The following CD7 variants were observed in gnomAD, a reference collection of about 807,000 sequenced individuals.
The protein encoded by CD7 is CD7 molecule.
Under a neutral mutation model 17.6 loss-of-function variants are expected in CD7, and 19 were observed. The observed-to-expected ratio is 1.08, with a 90% CI of 0.75 to 1.58. CD7 has a LOEUF of 1.58. Ranked by LOEUF, CD7 falls within the 40% of genes most tolerant of loss-of-function variation. The pLI is 0.00. For missense variants in CD7, 291 were observed against 327.1 expected (o/e 0.89, Z 0.85); for synonymous variants, 160 against 159.8 (o/e 1.00, Z -0.01).
chr17:82,316,728 G>A lies in CD7; in HGVS notation c.336C>T (p.Tyr112=). The change falls in exon 2 of 4, where the codon TAC becomes TAT. Residue 112 remains tyrosine (Y), a synonymous_variant. Coordinates refer to ENST00000312648, the MANE Select transcript of CD7 (RefSeq NM_006137.7). ...TGACCTCCGTGATGGCCTGGCAGGT[G>A]TAGGTGCCAGTGTCCGACAGCTGCA... is the stretch of plus-strand genomic sequence containing the variant. ...HRLQLSDTGT[Y]TCQAITEVNV... 1.9e-6 allele frequency: 3 copies of A among 1,613,736 alleles called. No homozygotes were observed. The highest frequency in any genetic ancestry group is 1.1e-5 in the South Asian group (1 of 91,090).
In CD7 at chr17:82,316,815, C is replaced by G. The variant is rs752831065; in HGVS notation, c.249G>C (p.Arg83=). ...CTGAGAAGTCGATGCGGCCCCGGAACCGTCTGTCCGTAGTGGGCACCACCC... is the reference window on the plus strand; with the variant it reads ...CTGAGAAGTCGATGCGGCCCCGGAAGCGTCTGTCCGTAGTGGGCACCACCC... ...EDGVVPTTDR[R]FRGRIDFSGS... is the part of the protein sequence containing the mutation. Residue 83 remains arginine, a synonymous_variant, in exon 2 of 4, where the codon CGG becomes CGC. Coordinates refer to ENST00000312648, the MANE Select transcript of CD7 (RefSeq NM_006137.7). 1 of 1,613,970 alleles carries G rather than the reference C, an allele frequency of 6.2e-7. No individual in the cohort carries two copies. Among genetic ancestry groups the G allele is most frequent in the Non-Finnish European group, 8.5e-7 (1 of 1,179,980 alleles).
At chr17:82,316,162 G>A (rs1258107430) in intron 3 of CD7, 33 bp downstream of exon 3, 1 of 1,542,356 alleles carries the variant, frequency 6.5e-7, no homozygotes, top group Admixed American at 2.0e-5. Flanking sequence ...AACAATCTTT[G>A]GGGTGCAGGT....
intron 3 of CD7, chr17:82,315,790 C>T (rs563601922): frequency 8.6e-5 from 49 of 568,596 alleles, no homozygotes; most frequent in Non-Finnish European, 1.4e-4. Context: ...CACAGCACGC[C>T]GGCACACTCC....
intron 2 of CD7, 98 bp downstream of exon 2, chr17:82,316,569 A>G: frequency 7.2e-7 from 1 of 1,387,892 alleles, no homozygotes. Context: ...CAGTTCAGGC[A>G]CATGTAGGAG....
intron 3 of CD7, 86 bp downstream of exon 3, chr17:82,316,109 C>T: frequency 5.1e-6 from 7 of 1,377,196 alleles, no homozygotes; most frequent in Non-Finnish European, 7.1e-6. Context: ...CCAGGGTTTT[C>T]CTCTGGGGCT....
At position 82,315,153 on chromosome 17, in the gene CD7, C is replaced by T. The variant is rs2051996349; in HGVS notation, c.*168G>A. On this transcript the variant is annotated 3_prime_UTR_variant, in exon 4 of 4. Coordinates refer to ENST00000312648, the MANE Select transcript of CD7 (RefSeq NM_006137.7). ...TGTCCACTGAGAAGCACCGTGGGGCCTGGCCACTGCCTGTGTGTCTGCTTG... is the reference window on the plus strand; with the variant it reads ...TGTCCACTGAGAAGCACCGTGGGGCTTGGCCACTGCCTGTGTGTCTGCTTG... 1 of 602,300 alleles carries T rather than the reference C, an allele frequency of 1.7e-6. No individual in the cohort carries two copies. Among genetic ancestry groups the T allele is most frequent in the Non-Finnish European group, 3.0e-6 (1 of 332,026 alleles). The allele number at this position is 602,300 out of a possible 1,614,324, so 37.3% of individuals were successfully genotyped here.
chr17:82,314,904 C>T lies in CD7; in HGVS notation c.*417G>A. The T allele has an allele frequency of 5.5e-6, 1 of 183,218 alleles. No individual in the cohort carries two copies. The highest frequency in any genetic ancestry group is 1.2e-5 in the Non-Finnish European group (1 of 84,814). The allele number at this position is 183,218 out of a possible 1,614,324, so 11.3% of individuals were successfully genotyped here. A position where few individuals can be genotyped will look rare whatever the true frequency, so the allele number is the denominator to read the frequency against. On this transcript the variant is annotated 3_prime_UTR_variant, in exon 4 of 4. Coordinates refer to ENST00000312648, the MANE Select transcript of CD7 (RefSeq NM_006137.7). This position sits in a 1 kb window ranked among gnomAD's most constrained non-coding sequence, Gnocchi z 6.0. ...ACAGAAGCCTTTATTTCTGGTACGG[C>T]TGGGTGGGGGACTGGTCTCCTCCCG...
Position 82,315,310 on chromosome 17 carries a change from G to T in CD7, c.*11C>A. 1 of 1,589,868 alleles carries T rather than the reference G, an allele frequency of 6.3e-7. No individual in the cohort carries two copies. On this transcript the variant is annotated 3_prime_UTR_variant, in exon 4 of 4. Transcript: ENST00000312648. ...GGGGACCACAGGCGGGACGTGCAGG[G>T]GCCCACTGGGTCACTGGTACTGGTT...
In CD7 at chr17:82,315,436, A is replaced by G; in HGVS notation, c.613-5T>C. The G allele has an allele frequency of 6.2e-7, 1 of 1,611,462 alleles. No homozygotes were observed. Among genetic ancestry groups the G allele is most frequent in the Non-Finnish European group, 8.5e-7 (1 of 1,177,750 alleles). ...CCACGAGCACAGTTTCTTTATCTGAAAGACAGAACCGCCGTCTCCAACCAG... is the reference window on the plus strand; with the variant it reads ...CCACGAGCACAGTTTCTTTATCTGAGAGACAGAACCGCCGTCTCCAACCAG... On this transcript the variant is annotated splice_region_variant and splice_polypyrimidine_tract_variant and intron_variant, in intron 3 of 3. Transcript: ENST00000312648.
At position 82,316,186 on chromosome 17, in the gene CD7, C is replaced by T. The variant is rs759998274; in HGVS notation, c.612+9G>A. 5.1e-6 allele frequency: 8 copies of T among 1,553,462 alleles called. No individual in the cohort carries two copies. Among genetic ancestry groups the T allele is most frequent in the Non-Finnish European group, 7.0e-6 (8 of 1,148,302 alleles). ...TGGGGTGCAGGTGGCAGCTGGGGCT[C>T]ACACTGACCTGTGTCCTCGCCAGCA... On this transcript the variant is annotated intron_variant, in intron 3 of 3. Coordinates refer to ENST00000312648, the MANE Select transcript of CD7 (RefSeq NM_006137.7).
chr17:82,316,481 G>A (rs2052017137), intron 2 of CD7, 72 bp from the exon 3 acceptor site: 22 of 1,409,834 alleles, frequency 1.6e-5, no homozygotes, highest in Non-Finnish European at 1.8e-5. Flanking sequence ...TTTGGGATTC[G>A]GGGCAGGGAA....
chr17:82,316,911 G>A lies in CD7; in HGVS notation c.153C>T (p.Ser51=), dbSNP rs745737735. ...GASVNITCST[S]GGLRGIYLRQ... ...TCAGGTAGATCCCACGCAGGCCCCC[G>A]CTGGTGGAGCAGGTGATGTTGACGG... is the stretch of plus-strand genomic sequence containing the variant. The change falls in exon 2 of 4, where the codon AGC becomes AGT. Residue 51 remains serine, a synonymous_variant. Transcript: ENST00000312648. The A allele has an allele frequency of 1.5e-5, 24 of 1,611,756 alleles. No individual in the cohort carries two copies. In the East Asian group the frequency reaches 3.3e-4, roughly 22 times the overall value.
intron 1 of CD7, chr17:82,317,210 G>A: frequency 1.5e-6 from 1 of 664,148 alleles, no homozygotes; most frequent in Non-Finnish European, 2.5e-6. Flanking sequence ...TCCCAAAGCA[G>A]CGGCCCTGCC....
At position 82,316,599 on chromosome 17, in the gene CD7, G is replaced by T; in HGVS notation, c.397+68C>A. 3 of 1,518,476 alleles carry T rather than the reference G, an allele frequency of 2.0e-6. No homozygotes were observed. The South Asian group carries it at 3.4e-5, about 17-fold the overall frequency. 94.1% of individuals were successfully genotyped at this position (1,518,476 alleles called of 1,614,324 possible). On this transcript the variant is annotated intron_variant, in intron 2 of 3. Transcript: ENST00000312648. Reference sequence around the variant, plus strand: ...TAGGAGGGAGGGTCCCACGACAAGGGCTGGGGGAGCAGAGCCTGGCCAGCA... The same window carrying T: ...TAGGAGGGAGGGTCCCACGACAAGGTCTGGGGGAGCAGAGCCTGGCCAGCA...
At chr17:82,315,908 A>G in intron 3 of CD7, 2 of 603,568 alleles carry the variant, frequency 3.3e-6, no homozygotes. Flanking sequence ...GCACACTCCA[A>G]CCTGCACGCA....
intron 1 of CD7, 83 bp from the exon 2 acceptor site, chr17:82,317,064 G>T: frequency 7.7e-7 from 1 of 1,301,216 alleles, no homozygotes; most frequent in Non-Finnish European, 1.0e-6. Flanking sequence ...GGTGGGGATG[G>T]TGGGGCCCTG....
intron 2 of CD7, 28 bp downstream of exon 2, chr17:82,316,639 G>T (rs761558323): frequency 1.1e-4 from 180 of 1,599,948 alleles, no homozygotes; most frequent in Admixed American, 2.8e-4. Context: ...GGGTTGGGAG[G>T]GGGGTCTGGG....
In CD7 at chr17:82,315,246, G is replaced by T; in HGVS notation, c.*75C>A. 1 of 895,142 alleles carries T rather than the reference G, an allele frequency of 1.1e-6. No homozygotes were observed. Among genetic ancestry groups the T allele is most frequent in the Non-Finnish European group, 1.8e-6 (1 of 570,352 alleles). The allele number at this position is 895,142 out of a possible 1,614,324, so 55.4% of individuals were successfully genotyped here. A position where few individuals can be genotyped will look rare whatever the true frequency, so the allele number is the denominator to read the frequency against. ...GGGAGGACAGCAGGGTGAGGGGTGT[G>T]GCAGGGTGGGGGGCATGGTGGGGCA... On this transcript the variant is annotated 3_prime_UTR_variant, in exon 4 of 4. Transcript: ENST00000312648.
At position 82,316,218 on chromosome 17, in the gene CD7, C is replaced by T; in HGVS notation, c.589G>A (p.Ala197Thr). 1 of 1,564,868 alleles carries T rather than the reference C, an allele frequency of 6.4e-7. No homozygotes were observed. Among genetic ancestry groups the T allele is most frequent in the Non-Finnish European group, 8.7e-7 (1 of 1,154,266 alleles). The change falls in exon 3 of 4, where the codon GCG (alanine) becomes ACG (threonine). Residue 197 changes from alanine to threonine, a missense_variant. Coordinates refer to ENST00000312648, the MANE Select transcript of CD7 (RefSeq NM_006137.7). ...ACCTGTGTCCTCGCCAGCACACACG[C>T]CACCCCCAGGCCCAGCCCGAGGAGG... ...SFLLGLGLGVACVLARTQIKK... is the reference protein window; with the variant it reads ...SFLLGLGLGVTCVLARTQIKK...
Sources: allele counts gnomAD v4.1 joint callset, GRCh38; gene constraint gnomAD v4.1.1; non-coding constraint Gnocchi (gnomAD v3.1); transcripts MANE v1.5; gene names NCBI Gene and HGNC (gene_info 2026-07-23, HGNC 2026-07-21).